The following CNTNAP2 variants were observed in gnomAD, a reference collection of about 807,000 sequenced individuals.
The protein encoded by CNTNAP2 is contactin-associated protein-like 2.
In CNTNAP2, 98 loss-of-function variants were observed where a neutral mutation model predicts 155.2. The observed-to-expected ratio is 0.63, with a 90% confidence interval of 0.54 to 0.75. The LOEUF is 0.75. Among genes scored for constraint, CNTNAP2 ranks in the 30% least tolerant of loss-of-function variants. CNTNAP2 has a pLI of 0.00. For missense variants in CNTNAP2, 1,727 were observed against 1,688.1 expected (o/e 1.02, Z -0.40); for synonymous variants, 651 against 631.2 (o/e 1.03, Z -0.47).
At chr7:147,111,153 G>A (rs529573005) in intron 5 of CNTNAP2, among the ~76,000 whole-genome samples, 1 of 152,028 alleles carries the variant, frequency 6.6e-6, no homozygotes, top group South Asian at 2.1e-4. Context: ...TTTCATGTTT[G>A]TTGGCCACAT....
chr7:147,607,249 T>C (rs1269507722), intron 12 of CNTNAP2, among the ~76,000 whole-genome samples: 1 of 109,876 alleles, frequency 9.1e-6, no homozygotes, highest in Non-Finnish European at 1.8e-5. Flanking sequence ...CCTGCCCTTC[T>C]GGGAGAAGGG....
At chr7:146,918,182 A>G (rs1348780659) in intron 3 of CNTNAP2, among the ~76,000 whole-genome samples, 1 of 152,088 alleles carries the variant, frequency 6.6e-6, no homozygotes, top group African/African-American at 2.4e-5. Context: ...TACATTCAAT[A>G]TTAGTATTGA....
At chr7:146,413,309 G>A (rs1724518) in intron 1 of CNTNAP2, among the ~76,000 whole-genome samples, 5,416 of 152,180 alleles carry the variant, frequency 0.036, 344 homozygotes, top group African/African-American at 0.12. Context: ...TTATTTCACG[G>A]CTTCAGGTTG....
At chr7:147,606,597 C>T (rs1224355657) in intron 12 of CNTNAP2, among the ~76,000 whole-genome samples, 3 of 152,138 alleles carry the variant, frequency 2.0e-5, no homozygotes, top group South Asian at 4.1e-4. Context: ...AGTACCAATA[C>T]CAGATAACCT....
Position 146,485,968 on chromosome 7 carries a change from G to A in CNTNAP2, c.98-288303G>A, listed in dbSNP as rs1264400946. Among the ~76,000 whole-genome samples the A allele has an allele frequency of 8.9e-5, 13 of 146,096 alleles. No individual in the cohort carries two copies. In the East Asian group the frequency reaches 2.8e-3, roughly 31 times the overall value. ...ATAAAAATATGCCTTTCAAATGTAA[G>A]ATTGCATGTTTTTCTTTGTATCAGT... On this transcript the variant is annotated intron_variant, in intron 1 of 23. Coordinates refer to ENST00000361727, the MANE Select transcript of CNTNAP2 (RefSeq NM_014141.6).
rs548684345 is a variant in CNTNAP2 at position 146,984,115 on chromosome 7, C to A, written c.403-59792C>A. 9.2e-5 allele frequency among the ~76,000 whole-genome samples: 14 copies of A among 152,174 alleles called. No homozygotes were observed. In the South Asian group the frequency reaches 1.5e-3, roughly 16 times the overall value. On this transcript the variant is annotated intron_variant, in intron 3 of 23. Transcript: ENST00000361727. ...AGGCGCGGTGGCTCATGCCTGTAAT[C>A]CCAGCACTTTGGGAGGCTGAGGTGG...
intron 13 of CNTNAP2, among the ~76,000 whole-genome samples, chr7:147,837,017 A>C (rs1798644203): frequency 6.6e-6 from 1 of 152,206 alleles, no homozygotes; most frequent in Admixed American, 6.5e-5. Context: ...AACCTGTTAC[A>C]TTTCACCATG....
At chr7:146,775,577 A>T (rs990132643) in intron 2 of CNTNAP2, among the ~76,000 whole-genome samples, 2 of 150,356 alleles carry the variant, frequency 1.3e-5, no homozygotes, top group Non-Finnish European at 3.0e-5. Context: ...GGAAGGAGAA[A>T]GGGAGGGAGG....
At chr7:147,228,492 A>G (rs1180103408) in intron 8 of CNTNAP2, among the ~76,000 whole-genome samples, 2 of 152,164 alleles carry the variant, frequency 1.3e-5, no homozygotes, top group Non-Finnish European at 2.9e-5. Flanking sequence ...TTGTTAAAAG[A>G]GGGAAGACTG....
chr7:147,712,610 TG>T (rs1455430669), intron 13 of CNTNAP2, among the ~76,000 whole-genome samples: 1 of 152,162 alleles, frequency 6.6e-6, no homozygotes, highest in Non-Finnish European at 1.5e-5. Flanking sequence ...TGGATGAAGC[TG>T]GAAACCATCA....
intron 3 of CNTNAP2, among the ~76,000 whole-genome samples, chr7:147,016,307 C>T (rs969680157): frequency 4.0e-5 from 6 of 151,832 alleles, no homozygotes; most frequent in Admixed American, 2.6e-4. Context: ...GAGTTCAAGC[C>T]GGATGTGCTC....
At chr7:148,118,850 C>G (rs1284752801) in intron 16 of CNTNAP2, among the ~76,000 whole-genome samples, 2 of 152,128 alleles carry the variant, frequency 1.3e-5, no homozygotes, top group Non-Finnish European at 2.9e-5. Flanking sequence ...GCCAAAGATA[C>G]AGAGACAATA....
intron 9 of CNTNAP2, among the ~76,000 whole-genome samples, chr7:147,363,988 T>G (rs1796186330): frequency 6.6e-6 from 1 of 152,178 alleles, no homozygotes; most frequent in Admixed American, 6.5e-5. Flanking sequence ...ATTGTCCAAG[T>G]TATTAAATAA....
chr7:148,168,385 A>G (rs558412095), intron 17 of CNTNAP2, among the ~76,000 whole-genome samples: 4 of 152,296 alleles, frequency 2.6e-5, no homozygotes, highest in African/African-American at 9.6e-5. Context: ...CGCAGCCATA[A>G]AAAATGATGA....
chr7:147,546,888 A>G (rs939841972), intron 11 of CNTNAP2, among the ~76,000 whole-genome samples: 5 of 152,186 alleles, frequency 3.3e-5, no homozygotes, highest in Non-Finnish European at 4.4e-5. Context: ...TGGCATATGC[A>G]TGCATGAGGC....
chr7:147,259,136 C>A (rs1408365800), intron 8 of CNTNAP2, among the ~76,000 whole-genome samples: 1 of 152,124 alleles, frequency 6.6e-6, no homozygotes, highest in East Asian at 1.9e-4. Flanking sequence ...GTATTTAAGT[C>A]TGTTCTCTCT....
At chr7:146,192,083 T>C (rs747314867) in intron 1 of CNTNAP2, among the ~76,000 whole-genome samples, 2 of 152,172 alleles carry the variant, frequency 1.3e-5, no homozygotes, top group African/African-American at 2.4e-5. Context: ...TAAGAAATTA[T>C]AAAAGTATTA....
chr7:146,187,624 T>C (rs1269478562), intron 1 of CNTNAP2, among the ~76,000 whole-genome samples: 1 of 152,156 alleles, frequency 6.6e-6, no homozygotes, highest in African/African-American at 2.4e-5. Context: ...TCTCCCTTTT[T>C]CTTACCTTCT....
chr7:146,724,677 T>C (rs344464), intron 1 of CNTNAP2, among the ~76,000 whole-genome samples: 5,256 of 149,684 alleles, frequency 0.035, 113 homozygotes, highest in Middle Eastern at 0.062. Flanking sequence ...TTCAAGCAAT[T>C]CTCCTGTCTC....
Sources: gnomAD v4.1 joint callset for allele counts (sites outside exome capture counted in the v4.1 genomes callset) on GRCh38, gnomAD v4.1.1 for gene constraint, MANE v1.5 for transcripts, NCBI Gene and HGNC (gene_info 2026-07-23, HGNC 2026-07-21) for gene names.